BRINP3: variants seen among roughly 807,000 people sequenced by gnomAD.
BRINP3 encodes BMP/retinoic acid inducible neural specific 3.
Under a neutral mutation model 71.0 loss-of-function variants are expected in BRINP3, and 19 were observed. The observed-to-expected ratio is 0.27, with a 90% CI of 0.19 to 0.39. BRINP3 has a LOEUF of 0.39. Among genes scored for constraint, BRINP3 ranks in the 10% least tolerant of loss-of-function variants. The pLI, the probability that BRINP3 is intolerant of heterozygous loss-of-function variation, is 1.00. For synonymous variants in BRINP3, 380 were observed against 337.7 expected, an observed-to-expected ratio of 1.13 and a Z score of -1.37; for missense variants, 959 against 940.8, an observed-to-expected ratio of 1.02 and a Z score of -0.25.
chr1:190,195,470 T>G (rs1025829348), intron 6 of BRINP3, among the ~76,000 whole-genome samples: 2 of 151,996 alleles, frequency 1.3e-5, no homozygotes, highest in African/African-American at 4.8e-5. Flanking sequence ...GGTACCTTAA[T>G]TTTATAGCAA....
At chr1:190,363,980 T>C (rs947591899) in intron 2 of BRINP3, among the ~76,000 whole-genome samples, 1 of 152,008 alleles carries the variant, frequency 6.6e-6, no homozygotes, top group African/African-American at 2.4e-5. Context: ...GGAGTATCTA[T>C]AGAACAAAAT....
chr1:190,415,966 C>T (rs771884331), intron 2 of BRINP3, among the ~76,000 whole-genome samples: 9 of 152,240 alleles, frequency 5.9e-5, no homozygotes, highest in Non-Finnish European at 2.9e-5. Context: ...CCATGATATA[C>T]ACATTGTCTA....
At chr1:190,268,101 T>G (rs1661809436) in intron 3 of BRINP3, among the ~76,000 whole-genome samples, 1 of 152,278 alleles carries the variant, frequency 6.6e-6, no homozygotes, top group African/African-American at 2.4e-5. Flanking sequence ...ATAATTCCAA[T>G]ACTGCAAAAC....
At chr1:190,212,197 G>A (rs1314766655) in intron 6 of BRINP3, among the ~76,000 whole-genome samples, 1 of 152,032 alleles carries the variant, frequency 6.6e-6, no homozygotes, top group Non-Finnish European at 1.5e-5. Context: ...TTACCCATGA[G>A]AAGGCAATTA....
chr1:190,381,076 G>A (rs1045785167), intron 2 of BRINP3, among the ~76,000 whole-genome samples: 50 of 152,050 alleles, frequency 3.3e-4, no homozygotes, highest in African/African-American at 1.2e-3. Context: ...CTGAAGTGCT[G>A]AAGTCTAAAC....
intron 2 of BRINP3, among the ~76,000 whole-genome samples, chr1:190,358,239 G>T (rs918400080): frequency 6.6e-6 from 1 of 152,086 alleles, no homozygotes; most frequent in African/African-American, 2.4e-5. Context: ...CTGAATGGGA[G>T]AAAATTTTTG....
chr1:190,256,111 G>C (rs2102837965), intron 4 of BRINP3, among the ~76,000 whole-genome samples: 1 of 152,270 alleles, frequency 6.6e-6, no homozygotes, highest in Middle Eastern at 3.4e-3. Flanking sequence ...GTTCTAATTT[G>C]ATTGCACTGT....
chr1:190,468,501 A>G (rs1281822536), intron 1 of BRINP3, among the ~76,000 whole-genome samples: 3 of 151,224 alleles, frequency 2.0e-5, no homozygotes, highest in Non-Finnish European at 4.5e-5. Flanking sequence ...TCTTCATTTC[A>G]TGGCTGGATG....
At chr1:190,100,400 T>C (rs548372265) in intron 7 of BRINP3, among the ~76,000 whole-genome samples, 1 of 152,314 alleles carries the variant, frequency 6.6e-6, no homozygotes, top group South Asian at 2.1e-4. Context: ...TTACATATAA[T>C]ACCCATTTGC....
At chr1:190,277,115 A>ATATATATATATATATATATATATT (rs1212564236) in intron 3 of BRINP3, among the ~76,000 whole-genome samples, 6 of 129,282 alleles carry the variant, frequency 4.6e-5, no homozygotes, top group African/African-American at 1.3e-4. Context: ...ATATATATAT[A>ATATATATATATATATATATATATT]TATTTATATT....
chr1:190,114,469 CCA>C (rs1448220577), intron 7 of BRINP3, among the ~76,000 whole-genome samples: 1 of 150,760 alleles, frequency 6.6e-6, no homozygotes, highest in Admixed American at 6.6e-5. Flanking sequence ...GTAGTATTAT[CCA>C]AAGGAAAACA....
chr1:190,225,627 A>G (rs1436795496), intron 6 of BRINP3, among the ~76,000 whole-genome samples: 1 of 152,060 alleles, frequency 6.6e-6, no homozygotes. Flanking sequence ...AACTCACAAA[A>G]CACTATAAAA....
intron 2 of BRINP3, among the ~76,000 whole-genome samples, chr1:190,329,871 T>G (rs1666852577): frequency 6.6e-6 from 1 of 151,796 alleles, no homozygotes; most frequent in Non-Finnish European, 1.5e-5. Flanking sequence ...AATGAACTCA[T>G]TAAAACTAAG....
intron 4 of BRINP3, among the ~76,000 whole-genome samples, chr1:190,257,320 AT>A (rs1456441177): frequency 6.6e-6 from 1 of 152,096 alleles, no homozygotes; most frequent in African/African-American, 2.4e-5. Flanking sequence ...TTCTCGTGCC[AT>A]GGTTTTCAGC....
chr1:190,203,945 T>A (rs1655265184), intron 6 of BRINP3, among the ~76,000 whole-genome samples: 1 of 150,712 alleles, frequency 6.6e-6, no homozygotes, highest in African/African-American at 2.4e-5. Context: ...AAAGACCATA[T>A]ATATTGTAGA....
At chr1:190,444,655 C>T (rs1675085371) in intron 2 of BRINP3, among the ~76,000 whole-genome samples, 1 of 152,158 alleles carries the variant, frequency 6.6e-6, no homozygotes, top group African/African-American at 2.4e-5. Flanking sequence ...CCGCCTCAGC[C>T]TCCTGAGTAC....
At chr1:190,251,934 G>T (rs1229409517) in intron 4 of BRINP3, among the ~76,000 whole-genome samples, 1 of 151,094 alleles carries the variant, frequency 6.6e-6, no homozygotes, top group Non-Finnish European at 1.5e-5. Context: ...TTTTTATTCA[G>T]ACAATGATGA....
intron 6 of BRINP3, among the ~76,000 whole-genome samples, chr1:190,195,006 TTTTCATGC>T (rs1654353518): frequency 6.6e-6 from 1 of 152,118 alleles, no homozygotes; most frequent in Non-Finnish European, 1.5e-5. Flanking sequence ...AATTATTTCC[TTTTCATGC>T]TTTCTTTCAA....
rs550211625 is a variant in BRINP3, at chr1:190,101,835, C to A, written c.1185-2701G>T. ...AAAGATAGAGCTCACAAAAGTAGGG[C>A]ACTGTAGAAAGAATCATTTGGACAC... On this transcript the variant is annotated intron_variant, in intron 7 of 7. Transcript: ENST00000367462. Among the ~76,000 whole-genome samples the A allele has an allele frequency of 7.9e-5, 12 of 152,234 alleles. No homozygotes were observed. In the South Asian group the frequency reaches 2.5e-3, roughly 32 times the overall value.
Sources: gnomAD v4.1 joint callset for allele counts (sites outside exome capture counted in the v4.1 genomes callset) on GRCh38, gnomAD v4.1.1 for gene constraint, MANE v1.5 for transcripts, NCBI Gene and HGNC (gene_info 2026-07-23, HGNC 2026-07-21) for gene names.